KIAA2012: variants seen among roughly 807,000 people sequenced by gnomAD.
The protein encoded by KIAA2012 is uncharacterized protein KIAA2012.
A neutral mutation model predicts 150.6 loss-of-function variants in KIAA2012; 125 were observed. The observed-to-expected ratio is 0.83, with a 90% CI of 0.72 to 0.96. The LOEUF (loss-of-function observed/expected upper bound fraction) is 0.96, where lower values mean the gene tolerates loss of function less well. Among genes scored for constraint, KIAA2012 ranks in the 40% least tolerant of loss-of-function variants. The pLI is 0.00. For synonymous variants in KIAA2012, 462 were observed against 504.7 expected (o/e 0.92, Z 1.13); for missense variants, 1,219 against 1,354.9 (o/e 0.90, Z 1.57).
At chr2:202,087,622 A>G (rs1038319253) in intron 2 of KIAA2012, among the ~76,000 whole-genome samples, 1 of 151,294 alleles carries the variant, frequency 6.6e-6, no homozygotes, top group African/African-American at 2.4e-5. Flanking sequence ...ATGCTTGCCC[A>G]GCTGCTTGCC....
At chr2:202,187,160 AT>A (rs1458834977) in intron 17 of KIAA2012, 62 bp downstream of exon 17, 5 of 1,520,566 alleles carry the variant, frequency 3.3e-6, no homozygotes, top group Non-Finnish European at 4.4e-6. Flanking sequence ...CAAGGATACC[AT>A]GCACAGTTGT....
At position 202,190,546 on chromosome 2, in the gene KIAA2012, C is replaced by T. The variant is rs148073311; in HGVS notation, c.2811+53C>T. The T allele has an allele frequency of 2.0e-4, 269 of 1,349,998 alleles. 1 individual carries two copies. In the African/African-American group the frequency reaches 3.4e-3, roughly 17 times the overall value. The allele number at this position is 1,349,998 out of a possible 1,614,324, so 83.6% of individuals were successfully genotyped here. Reference sequence around the variant, plus strand: ...GAGGAAGTTCTGTTCTCACTTGGCGCGACTGCAAAGATGGGAAAGCTGCCC... The same window carrying T: ...GAGGAAGTTCTGTTCTCACTTGGCGTGACTGCAAAGATGGGAAAGCTGCCC... On this transcript the variant is annotated intron_variant, in intron 19 of 23. Transcript: ENST00000498697.
chr2:202,098,272 A>ATT (rs1367095363), intron 5 of KIAA2012, among the ~76,000 whole-genome samples: 1 of 152,200 alleles, frequency 6.6e-6, no homozygotes. Flanking sequence ...AGGCAGGAGA[A>ATT]TCGCTTGAAC....
intron 2 of KIAA2012, among the ~76,000 whole-genome samples, chr2:202,085,766 G>A (rs1200991194): frequency 6.6e-6 from 1 of 152,130 alleles, no homozygotes; most frequent in African/African-American, 2.4e-5. Flanking sequence ...AAAAATATAT[G>A]TAAATACTCT....
chr2:202,118,697 G>A (rs1225359446), intron 11 of KIAA2012, among the ~76,000 whole-genome samples: 3 of 152,168 alleles, frequency 2.0e-5, no homozygotes, highest in African/African-American at 4.8e-5. Flanking sequence ...TCTATCACAC[G>A]TACCACAGTG....
In KIAA2012 at chr2:202,107,014, G is replaced by A. The variant is rs201801464; in HGVS notation, c.1474+1104G>A. On this transcript the variant is annotated intron_variant, in intron 9 of 23. Coordinates refer to ENST00000498697, the MANE Select transcript of KIAA2012 (RefSeq NM_001277372.4). ...CCAGGCACTGTTCTTAGTTTTCAAC[G>A]TATTCTCTCAGGTACTCCTCACAGC... Among the ~76,000 whole-genome samples the A allele has an allele frequency of 9.8e-4, 149 of 152,214 alleles. 2 individuals carry two copies. Among genetic ancestry groups the A allele is most frequent in the African/African-American group, 3.2e-3 (131 of 41,512 alleles).
chr2:202,115,912 A>AG (rs1690509151), intron 11 of KIAA2012: 3 of 61,884 alleles, frequency 4.8e-5, no homozygotes, highest in South Asian at 1.3e-3. Flanking sequence ...AACCTTCAGA[A>AG]GGAAAAAAAA....
At chr2:202,125,935 C>CTTTTTTTTTTTTTTTTTTTTTTT (rs571686717) in intron 12 of KIAA2012, 1 of 126,960 alleles carries the variant, frequency 7.9e-6, no homozygotes, top group African/African-American at 7.2e-5. Context: ...TTCCTGGCTG[C>CTTTTTTTTTTTTTTTTTTTTTTT]TTTTTTTTTT....
intron 14 of KIAA2012, among the ~76,000 whole-genome samples, chr2:202,160,524 A>G (rs772691285): frequency 4.9e-4 from 74 of 152,182 alleles, no homozygotes; most frequent in Non-Finnish European, 8.8e-4. Context: ...CATGTTAGCC[A>G]GCATGGTCTC....
intron 15 of KIAA2012, among the ~76,000 whole-genome samples, chr2:202,178,206 GAAAGAA>G (rs2105735063): frequency 1.3e-5 from 2 of 149,582 alleles, no homozygotes; most frequent in South Asian, 4.1e-4. Context: ...CTCAGAAAAA[GAAAGAA>G]AGAAAGAAAG....
chr2:202,195,742 C>A (rs1433397701), intron 21 of KIAA2012, among the ~76,000 whole-genome samples: 1 of 152,076 alleles, frequency 6.6e-6, no homozygotes, highest in Non-Finnish European at 1.5e-5. Flanking sequence ...TCCATGAGAT[C>A]AATGTTTTTC....
chr2:202,084,158 G>A (rs988892727), intron 2 of KIAA2012, among the ~76,000 whole-genome samples: 13 of 152,074 alleles, frequency 8.5e-5, no homozygotes, highest in East Asian at 1.9e-4. Flanking sequence ...CTCTCTTCAC[G>A]CTTCTGCTGA....
intron 5 of KIAA2012, among the ~76,000 whole-genome samples, chr2:202,097,947 T>G (rs1559202630): frequency 6.6e-6 from 1 of 152,182 alleles, no homozygotes; most frequent in African/African-American, 2.4e-5. Context: ...CAGAGAGGAT[T>G]CTCTCTCCCT....
At position 202,073,304 on chromosome 2, in the gene KIAA2012, G is replaced by A. The variant is rs1474307623; in HGVS notation, c.-324G>A. 5 of 256,536 alleles carry A rather than the reference G, an allele frequency of 1.9e-5. No individual in the cohort carries two copies. Among genetic ancestry groups the A allele is most frequent in the Non-Finnish European group, 3.0e-5 (4 of 132,280 alleles). The allele number at this position is 256,536 out of a possible 1,614,324, so 15.9% of individuals were successfully genotyped here. The stretch of plus-strand genomic sequence containing the variant: ...CGAGATCTGTAGATGCACACGGCTG[G>A]TAACAGAGCAACCGGGACCAAGGGA... On this transcript the variant is annotated 5_prime_UTR_variant, in exon 1 of 24. The change creates a premature stop within an existing upstream ORF in the 5' untranslated region. Transcript: ENST00000498697.
At chr2:202,187,787 G>T (rs757106634) in intron 17 of KIAA2012, among the ~76,000 whole-genome samples, 5 of 152,178 alleles carry the variant, frequency 3.3e-5, no homozygotes, top group Non-Finnish European at 5.9e-5. Context: ...AATAAAGCTG[G>T]CTTTGATTTA....
intron 9 of KIAA2012, 136 bp downstream of exon 9, chr2:202,106,046 C>A: frequency 6.5e-7 from 1 of 1,535,888 alleles, no homozygotes; most frequent in South Asian, 1.2e-5. Context: ...TGGAAGATGG[C>A]CTTTGTGCAG....
chr2:202,195,166 G>A (rs983640058), intron 21 of KIAA2012, among the ~76,000 whole-genome samples: 1 of 152,050 alleles, frequency 6.6e-6, no homozygotes, highest in Non-Finnish European at 1.5e-5. Context: ...TATCAAATTG[G>A]GGTAATTTGC....
At chr2:202,136,119 A>C (rs1169526380) in intron 12 of KIAA2012, 1 of 325,038 alleles carries the variant, frequency 3.1e-6, no homozygotes, top group Non-Finnish European at 6.2e-6. Flanking sequence ...ACAGTTCTTA[A>C]AGGTGGTGTG....
At chr2:202,157,856 T>C (rs992637279) in intron 14 of KIAA2012, among the ~76,000 whole-genome samples, 5 of 152,110 alleles carry the variant, frequency 3.3e-5, no homozygotes, top group Admixed American at 1.3e-4. Flanking sequence ...TTCTAGAAAA[T>C]TCCATTCCTA....
Sources: gnomAD v4.1 joint callset for allele counts (sites outside exome capture counted in the v4.1 genomes callset) on GRCh38, gnomAD v4.1.1 for gene constraint, MANE v1.5 for transcripts, NCBI Gene and HGNC (gene_info 2026-07-23, HGNC 2026-07-21) for gene names.